CNOT2: variants seen among roughly 807,000 people sequenced by gnomAD.
The protein encoded by CNOT2 is CCR4-NOT transcription complex subunit 2.
In CNOT2, 7 loss-of-function variants were observed where a neutral mutation model predicts 72.1. That is an observed-to-expected ratio of 0.10 (90% CI 0.06 to 0.18). The LOEUF (loss-of-function observed/expected upper bound fraction) is 0.18, where lower values mean the gene tolerates loss of function less well. Ranked by LOEUF, CNOT2 falls within the 10% of genes least tolerant of loss-of-function variation. CNOT2 has a pLI of 1.00. For synonymous variants in CNOT2, 196 were observed against 225.6 expected (o/e 0.87, Z 1.17); for missense variants, 345 against 660.3 (o/e 0.52, Z 5.23).
chr12:70,243,874 G>T (rs566013131), intron 1 of CNOT2: 1 of 152,366 alleles, frequency 6.6e-6, no homozygotes, highest in South Asian at 2.1e-4. Flanking sequence ...AGCCGCTGCC[G>T]CCGCGCTGCT....
intron 1 of CNOT2, among the ~76,000 whole-genome samples, chr12:70,260,236 GTCTT>G (rs1249062453): frequency 1.3e-5 from 2 of 152,022 alleles, no homozygotes; most frequent in Non-Finnish European, 2.9e-5. Context: ...AACATGGGAT[GTCTT>G]TCTATTTATA....
Position 70,329,697 on chromosome 12 carries a change from T to C in CNOT2, c.386+127T>C, listed in dbSNP as rs143253003. ...CAGTGCCTTTCACTGAGGAAGAAAA[T>C]ACCTATGCTCTTTTTATTTCAGTGC... On this transcript the variant is annotated intron_variant, in intron 5 of 15. Transcript: ENST00000229195. 9.8e-4 allele frequency: 668 copies of C among 682,420 alleles called. 6 individuals carry two copies. The African/African-American group carries it at 0.011, about 11-fold the overall frequency. 42.3% of individuals were successfully genotyped at this position (682,420 alleles called of 1,614,324 possible).
At position 70,304,980 on chromosome 12, in the gene CNOT2, G is replaced by A. The variant is rs7977804; in HGVS notation, c.49-5915G>A. ...GCGTAGGACCCTCTGAGCCAGGTGC[G>A]GGATATAATCTGGTGTGCCTTTTGT... is the stretch of plus-strand genomic sequence containing the variant. On this transcript the variant is annotated intron_variant, in intron 2 of 15. Transcript: ENST00000229195. Among the ~76,000 whole-genome samples, 668 of 152,328 alleles carry A rather than the reference G, an allele frequency of 4.4e-3. 1 individual carries two copies. Among genetic ancestry groups the A allele is most frequent in the African/African-American group, 0.015 (632 of 41,566 alleles).
Position 70,342,318 on chromosome 12 carries a change from TTTA to T in CNOT2, c.1290+17_1290+19del. On this transcript the variant is annotated intron_variant, in intron 13 of 15. Coordinates refer to ENST00000229195, the MANE Select transcript of CNOT2 (RefSeq NM_014515.7). ...CACATTAGGGATAAGGTGAGTGTAG[TTTA>T]TTATTCTACTCAGTCAGCATGAATT... is the stretch of plus-strand genomic sequence containing the variant. The T allele has an allele frequency of 6.2e-7, 1 of 1,612,520 alleles. No individual in the cohort carries two copies. Among genetic ancestry groups the T allele is most frequent in the Non-Finnish European group, 8.5e-7 (1 of 1,179,354 alleles).
chr12:70,353,098 A>C (rs1261873696), intron 15 of CNOT2, among the ~76,000 whole-genome samples: 1 of 142,212 alleles, frequency 7.0e-6, no homozygotes, highest in Admixed American at 7.1e-5. Flanking sequence ...TTTTAGACGG[A>C]GTCTTGCTTT....
chr12:70,275,247 G>A (rs1868569070), intron 1 of CNOT2, among the ~76,000 whole-genome samples: 1 of 151,806 alleles, frequency 6.6e-6, no homozygotes, highest in African/African-American at 2.4e-5. Flanking sequence ...TCCTACCTTT[G>A]TTACTCTATG....
At position 70,354,137 on chromosome 12, in the gene CNOT2, G is replaced by A. The variant is rs1883214662; in HGVS notation, c.*222G>A. The A allele has an allele frequency of 1.2e-6, 1 of 842,338 alleles. No individual in the cohort carries two copies. The highest frequency in any genetic ancestry group is 1.6e-6 in the Non-Finnish European group (1 of 616,792). 52.2% of individuals were successfully genotyped at this position (842,338 alleles called of 1,614,324 possible). A position where few individuals can be genotyped will look rare whatever the true frequency, so the allele number is the denominator to read the frequency against. On this transcript the variant is annotated 3_prime_UTR_variant, in exon 16 of 16. Transcript: ENST00000229195. The stretch of plus-strand genomic sequence containing the variant: ...TTTGTAATTTGTTTTTCTCTAGTTT[G>A]AGCAGGGTCTGAATTTTTTCATTTA...
chr12:70,283,647 TAAA>T (rs34501610), intron 2 of CNOT2, among the ~76,000 whole-genome samples: 3 of 122,900 alleles, frequency 2.4e-5, no homozygotes, highest in Non-Finnish European at 3.4e-5. Context: ...AGAATGAGTT[TAAA>T]AAAAAAAAAA....
At chr12:70,285,845 G>A (rs758732621) in intron 2 of CNOT2, among the ~76,000 whole-genome samples, 15 of 152,086 alleles carry the variant, frequency 9.9e-5, no homozygotes, top group Non-Finnish European at 1.9e-4. Context: ...TCACTGGTAA[G>A]TACAATTAGC....
intron 15 of CNOT2, 76 bp downstream of exon 15, chr12:70,346,400 T>C (rs1882175250): frequency 8.3e-7 from 1 of 1,210,822 alleles, no homozygotes; most frequent in African/African-American, 1.5e-5. Flanking sequence ...TGTTTATAAG[T>C]ACCAATACAT....
intron 15 of CNOT2, among the ~76,000 whole-genome samples, chr12:70,349,127 T>C (rs536491792): frequency 6.6e-6 from 1 of 152,246 alleles, no homozygotes; most frequent in Non-Finnish European, 1.5e-5. Context: ...AAAATACAAA[T>C]TCATGCACTT....
intron 1 of CNOT2, among the ~76,000 whole-genome samples, chr12:70,262,469 G>T (rs1304891711): frequency 6.6e-6 from 1 of 151,974 alleles, no homozygotes; most frequent in Admixed American, 6.6e-5. Context: ...TGGAGACGGG[G>T]TTTCACCGTG....
At chr12:70,351,199 C>G (rs556126525) in intron 15 of CNOT2, among the ~76,000 whole-genome samples, 3 of 151,834 alleles carry the variant, frequency 2.0e-5, no homozygotes, top group Non-Finnish European at 2.9e-5. Flanking sequence ...TGTTTTGTTC[C>G]TAAAACAAAG....
chr12:70,291,698 G>C (rs576142281), intron 2 of CNOT2, among the ~76,000 whole-genome samples: 1 of 152,352 alleles, frequency 6.6e-6, no homozygotes, highest in East Asian at 1.9e-4. Flanking sequence ...AGCACTTTGG[G>C]AGGCTGAGGC....
At chr12:70,333,850 T>G (rs1880297506) in intron 7 of CNOT2, among the ~76,000 whole-genome samples, 1 of 151,968 alleles carries the variant, frequency 6.6e-6, no homozygotes, top group Non-Finnish European at 1.5e-5. Flanking sequence ...TCTTCATAAT[T>G]TAATGTCTTT....
intron 3 of CNOT2, among the ~76,000 whole-genome samples, chr12:70,313,472 T>TAA (rs1876809593): frequency 6.6e-6 from 1 of 152,108 alleles, no homozygotes; most frequent in African/African-American, 2.4e-5. Context: ...AATACTTTTA[T>TAA]GTTTTGTTCT....
At chr12:70,302,016 T>C (rs1235956032) in intron 2 of CNOT2, among the ~76,000 whole-genome samples, 4 of 152,208 alleles carry the variant, frequency 2.6e-5, no homozygotes, top group Non-Finnish European at 5.9e-5. Context: ...TAGAGGTGTT[T>C]ATAGTATTCT....
At chr12:70,288,265 T>C (rs932401745) in intron 2 of CNOT2, among the ~76,000 whole-genome samples, 5 of 130,360 alleles carry the variant, frequency 3.8e-5, no homozygotes, top group Non-Finnish European at 6.6e-5. Context: ...TGCCTCAGCC[T>C]CCCAAGTAGC....
intron 3 of CNOT2, among the ~76,000 whole-genome samples, chr12:70,314,168 A>G (rs1396083521): frequency 6.6e-6 from 1 of 152,052 alleles, no homozygotes; most frequent in Non-Finnish European, 1.5e-5. Flanking sequence ...ATTGGTTTTT[A>G]CTGACCTATG....
Sources: gnomAD v4.1 joint callset for allele counts (sites outside exome capture counted in the v4.1 genomes callset) on GRCh38, gnomAD v4.1.1 for gene constraint, MANE v1.5 for transcripts, NCBI Gene and HGNC (gene_info 2026-07-23, HGNC 2026-07-21) for gene names.